The following RC3H1 variants were observed in gnomAD, a reference collection of about 807,000 sequenced individuals.
The protein encoded by RC3H1 is ring finger and CCCH-type domains 1, also known as roquin-1.
Under a neutral mutation model 138.2 loss-of-function variants are expected in RC3H1, and 50 were observed. The ratio of observed to expected loss-of-function variants is 0.36; its 90% CI spans 0.29 to 0.46. The LOEUF (loss-of-function observed/expected upper bound fraction) is 0.46. Ranked by LOEUF, RC3H1 falls within the 20% of genes least tolerant of loss-of-function variation. The pLI, the probability that RC3H1 is intolerant of heterozygous loss-of-function variation, is 1.00. For missense variants in RC3H1, 1,031 were observed against 1,388.1 expected (o/e 0.74, Z 4.09); for synonymous variants, 462 against 489.1 (o/e 0.94, Z 0.73).
At chr1:174,021,198 A>AT (rs1661950625) in intron 1 of RC3H1, among the ~76,000 whole-genome samples, 1 of 152,154 alleles carries the variant, frequency 6.6e-6, no homozygotes, top group South Asian at 2.1e-4. Context: ...CTTATACTGC[A>AT]TGTTAGTAAT....
chr1:173,995,068 G>A (rs12089405), intron 1 of RC3H1, among the ~76,000 whole-genome samples: 43,636 of 151,826 alleles, frequency 0.29, 11,188 homozygotes, highest in African/African-American at 0.69. Flanking sequence ...ATATAACAGA[G>A]GCAACCTGAC....
chr1:173,956,908 T>G (rs1333529792), intron 13 of RC3H1, among the ~76,000 whole-genome samples: 1 of 152,078 alleles, frequency 6.6e-6, no homozygotes, highest in Non-Finnish European at 1.5e-5. Flanking sequence ...GGTTGTTTTA[T>G]TTATTTATTT....
chr1:173,958,505 C>G (rs1303489585), intron 13 of RC3H1, among the ~76,000 whole-genome samples: 1 of 151,672 alleles, frequency 6.6e-6, no homozygotes, highest in African/African-American at 2.4e-5. Flanking sequence ...GAGATCGCAC[C>G]ACTGCACTCC....
chr1:173,938,048 GAAATA>G lies in RC3H1; in HGVS notation c.*668_*672del, dbSNP rs1194980844. 1.3e-5 allele frequency: 2 copies of G among 152,042 alleles called. No homozygotes were observed. Among genetic ancestry groups the G allele is most frequent in the African/African-American group, 4.8e-5 (2 of 41,388 alleles). 9.4% of individuals were successfully genotyped at this position (152,042 alleles called of 1,614,324 possible). Reference sequence around the variant, plus strand: ...TTTGAAAAGTTGAAAATAAAAACAAGAAATAAAACCCTCCCAAACAAACAAAAAGC... The same window carrying G: ...TTTGAAAAGTTGAAAATAAAAACAAGAAACCCTCCCAAACAAACAAAAAGC... On this transcript the variant is annotated 3_prime_UTR_variant, in exon 20 of 20. Transcript: ENST00000367696.
Position 173,965,022 on chromosome 1 carries a change from G to C in RC3H1, c.1433C>G (p.Pro478Arg), listed in dbSNP as rs1330563506. The change falls in exon 10 of 20, where the codon CCA (proline) becomes CGA (arginine). Residue 478 changes from proline (P) to arginine (R), a missense_variant. Pro to Arg is a moderately radical substitution (Grantham distance 103). Around this residue, in one of 7 missense-constraint regions of RC3H1, gnomAD observed 716 missense variants for 837.9 expected, o/e 0.85. Coordinates refer to ENST00000367696, the MANE Select transcript of RC3H1 (RefSeq NM_172071.4). ...AGGGAGATCCACTGCACCTTCATCT[G>C]GAAGGATAGCTGCTGAAGGCAGGCC... ...EVGLPSAAIL[P>R]DEGAVDLPSR... 2.5e-6 allele frequency: 4 copies of C among 1,614,102 alleles called. No individual in the cohort carries two copies. Among genetic ancestry groups the C allele is most frequent in the Non-Finnish European group, 3.4e-6 (4 of 1,180,024 alleles).
chr1:173,944,429 G>A (rs1191458400), intron 17 of RC3H1, among the ~76,000 whole-genome samples: 1 of 152,264 alleles, frequency 6.6e-6, no homozygotes, highest in South Asian at 2.1e-4. Flanking sequence ...GTGGTGGGGG[G>A]AAAGCGGAGG....
At chr1:174,021,826 C>T (rs1429503963) in intron 1 of RC3H1, among the ~76,000 whole-genome samples, 7 of 152,244 alleles carry the variant, frequency 4.6e-5, no homozygotes, top group African/African-American at 1.7e-4. Context: ...GTCCGAGCCT[C>T]CCTTCGTCCT....
chr1:173,947,669 A>G, intron 14 of RC3H1, 87 bp from the exon 15 acceptor site: 1 of 928,424 alleles, frequency 1.1e-6, no homozygotes, highest in Admixed American at 1.9e-5. Flanking sequence ...AGGTTAAAGA[A>G]GAGTACAGCA....
intron 8 of RC3H1, among the ~76,000 whole-genome samples, chr1:173,971,023 G>A (rs1022295507): frequency 2.7e-5 from 4 of 149,720 alleles, no homozygotes; most frequent in Non-Finnish European, 5.9e-5. Context: ...GGGCAGCGGC[G>A]CAATCTTGGC....
Position 173,978,730 on chromosome 1 carries a change from C to T in RC3H1, c.970-110G>A, listed in dbSNP as rs890574957. On this transcript the variant is annotated intron_variant, in intron 6 of 19. Coordinates refer to ENST00000367696, the MANE Select transcript of RC3H1 (RefSeq NM_172071.4). ...ATTTATTAAATTTAATTTTTATCTT[C>T]CCATATACCCTACACTTTGGCCAGA... 22 of 1,121,528 alleles carry T rather than the reference C, an allele frequency of 2.0e-5. No homozygotes were observed. The Admixed American group carries it at 3.0e-4, about 15-fold the overall frequency. 69.5% of individuals were successfully genotyped at this position (1,121,528 alleles called of 1,614,324 possible).
chr1:173,972,694 TAA>T (rs1660416256), intron 7 of RC3H1, 67 bp from the exon 8 acceptor site: 2 of 1,014,848 alleles, frequency 2.0e-6, no homozygotes, highest in Non-Finnish European at 3.1e-6. Flanking sequence ...ATCAAATTAA[TAA>T]AAGAGTTACT....
intron 14 of RC3H1, 58 bp downstream of exon 14, chr1:173,951,927 TA>T: frequency 6.7e-7 from 1 of 1,495,428 alleles, no homozygotes; most frequent in South Asian, 1.4e-5. Context: ...TGGTAATGGG[TA>T]AAAATTTATT....
intron 1 of RC3H1, among the ~76,000 whole-genome samples, chr1:174,013,315 A>C (rs544784453): frequency 6.6e-6 from 1 of 152,222 alleles, no homozygotes; most frequent in Admixed American, 6.5e-5. Context: ...CATATATATC[A>C]GTGCTTTCCA....
At chr1:173,967,237 T>C (rs760212249) in intron 9 of RC3H1, among the ~76,000 whole-genome samples, 4 of 152,060 alleles carry the variant, frequency 2.6e-5, no homozygotes, top group Admixed American at 2.0e-4. Flanking sequence ...GAGAGGATCA[T>C]TGGAGCCTGG....
At chr1:173,952,742 C>T (rs1355434258) in intron 13 of RC3H1, among the ~76,000 whole-genome samples, 1 of 152,078 alleles carries the variant, frequency 6.6e-6, no homozygotes, top group Admixed American at 6.6e-5. Context: ...GTAAGTTCTC[C>T]AGTCTAATAA....
chr1:173,944,974 C>T (rs951437212), intron 17 of RC3H1, among the ~76,000 whole-genome samples: 1 of 151,728 alleles, frequency 6.6e-6, no homozygotes, highest in South Asian at 2.1e-4. Flanking sequence ...AATGTTCTAA[C>T]AGTACCATTT....
At chr1:173,961,008 G>T in intron 13 of RC3H1, 69 bp downstream of exon 13, 2 of 1,469,778 alleles carry the variant, frequency 1.4e-6, no homozygotes, top group Non-Finnish European at 1.9e-6. Context: ...TTGGGAATAG[G>T]CAAAGATGAC....
Position 173,975,651 on chromosome 1 carries a change from C to A in RC3H1, c.1102+2837G>T, listed in dbSNP as rs1571211631. On this transcript the variant is annotated intron_variant, in intron 7 of 19. Coordinates refer to ENST00000367696, the MANE Select transcript of RC3H1 (RefSeq NM_172071.4). ...CGGTGGCTCACGCCTGTAATCCCAG[C>A]ACTTTGGGAGGCCGAGGCGGGCGGA... is the stretch of plus-strand genomic sequence containing the variant. Among the ~76,000 whole-genome samples, 2 of 60,880 alleles carry A rather than the reference C, an allele frequency of 3.3e-5. 1 individual carries two copies. The highest frequency in any genetic ancestry group is 1.1e-3 in the African/African-American group (2 of 1,896). 39.9% of individuals were successfully genotyped at this position (60,880 alleles called of 152,430 possible).
rs1197121314 is a variant in RC3H1, at chr1:173,946,479, T to C, written c.2958A>G (p.Leu986=). ...QISQQTQLRG[L]EAVSNRLVLQ... ...AAATGGCTCTCTAGGCTGGTACCTC[T>C]AGTCCACGTAGCTGGGTCTGCTGGC... Residue 986 remains leucine (L), a synonymous_variant, in exon 17 of 20, where the codon CTA becomes CTG. Transcript: ENST00000367696. 6.2e-7 allele frequency: 1 copy of C among 1,613,518 alleles called. No individual in the cohort carries two copies. Among genetic ancestry groups the C allele is most frequent in the African/African-American group, 1.3e-5 (1 of 74,898 alleles).
Sources: allele counts gnomAD v4.1 joint callset (sites outside exome capture counted in the v4.1 genomes callset), GRCh38; gene constraint gnomAD v4.1.1; regional missense constraint gnomAD v4.1.1; transcripts MANE v1.5; gene names NCBI Gene and HGNC (gene_info 2026-07-23, HGNC 2026-07-21).